The following TESC variants were observed in gnomAD, a reference collection of about 807,000 sequenced individuals.
The protein encoded by TESC is tescalcin, also known as calcineurin B homologous protein 3.
TESC carries 19 observed loss-of-function variants against 31.0 expected under a neutral mutation model. The observed-to-expected ratio is 0.61, with a 90% CI of 0.43 to 0.90. The LOEUF (loss-of-function observed/expected upper bound fraction) is 0.90. Ranked by LOEUF, TESC falls within the 40% of genes least tolerant of loss-of-function variation. TESC has a pLI of 0.00. For missense variants in TESC, 248 were observed against 303.8 expected (o/e 0.82, Z 1.36); for synonymous variants, 109 against 114.8 (o/e 0.95, Z 0.32).
chr12:117,055,298 C>A (rs759199810), intron 3 of TESC, among the ~76,000 whole-genome samples: 2 of 152,168 alleles, frequency 1.3e-5, no homozygotes, highest in African/African-American at 4.8e-5. Flanking sequence ...TACGCCACCA[C>A]ATCTGGCTAA....
At chr12:117,069,247 A>C (rs1954931725) in intron 2 of TESC, among the ~76,000 whole-genome samples, 1 of 152,028 alleles carries the variant, frequency 6.6e-6, no homozygotes, top group South Asian at 2.1e-4. Context: ...TAACAAAATG[A>C]AATTTTTTTT....
intron 2 of TESC, 102 bp from the exon 3 acceptor site, chr12:117,056,988 C>CTA: frequency 9.2e-7 from 1 of 1,081,302 alleles, no homozygotes. Flanking sequence ...GGATCCCTAA[C>CTA]AGGCCCCCAC....
At chr12:117,049,905 A>G (rs868353477) in intron 3 of TESC, among the ~76,000 whole-genome samples, 1 of 49,718 alleles carries the variant, frequency 2.0e-5, no homozygotes. Context: ...TGTCTCAAGA[A>G]AAAAAAAAAA....
At chr12:117,045,397 A>G (rs2135747546) in intron 6 of TESC, among the ~76,000 whole-genome samples, 1 of 152,350 alleles carries the variant, frequency 6.6e-6, no homozygotes, top group Admixed American at 6.5e-5. Flanking sequence ...CTGGAGTGGG[A>G]CAGGGAGTAA....
At chr12:117,075,168 G>T in intron 2 of TESC, 103 bp downstream of exon 2, 1 of 1,219,180 alleles carries the variant, frequency 8.2e-7, no homozygotes, top group Non-Finnish European at 1.1e-6. Context: ...AAAATAAAAA[G>T]AAAACAACTA....
Position 117,066,200 on chromosome 12 carries a change from C to CTTTTTTTTTTTTTTTTTTTT in TESC, c.128+9051_128+9070dup, listed in dbSNP as rs58829406. Among the ~76,000 whole-genome samples, 35 of 62,982 alleles carry CTTTTTTTTTTTTTTTTTTTT rather than the reference C, an allele frequency of 5.6e-4. 6 individuals are homozygous for CTTTTTTTTTTTTTTTTTTTT. The highest frequency in any genetic ancestry group is 6.4e-4 in the Non-Finnish European group (25 of 38,808). The allele number at this position is 62,982 out of a possible 152,430, so 41.3% of individuals were successfully genotyped here. On this transcript the variant is annotated intron_variant, in intron 2 of 7. Transcript: ENST00000335209. ...TGTCTGCCCTGTTTCCTTCCTTTAG[C>CTTTTTTTTTTTTTTTTTTTT]TTTTTTTTTTTTTTTTTTTTTTTTG...
chr12:117,073,926 T>A (rs1385510299), intron 2 of TESC, among the ~76,000 whole-genome samples: 4 of 144,162 alleles, frequency 2.8e-5, no homozygotes, highest in South Asian at 2.2e-4. Context: ...AAAAAAAAAA[T>A]ACAAAACAAT....
intron 2 of TESC, among the ~76,000 whole-genome samples, chr12:117,061,768 A>G (rs1370911474): frequency 3.9e-5 from 6 of 152,090 alleles, no homozygotes; most frequent in Admixed American, 3.9e-4. Context: ...ATGGGTGCAG[A>G]CCTAATCCTT....
intron 7 of TESC, among the ~76,000 whole-genome samples, chr12:117,040,182 C>A (rs1954461433): frequency 6.6e-6 from 1 of 152,226 alleles, no homozygotes; most frequent in Non-Finnish European, 1.5e-5. Flanking sequence ...CCAGGTACTT[C>A]CTGCTTTCCT....
At chr12:117,046,455 G>T in intron 6 of TESC, 104 bp downstream of exon 6, 2 of 1,122,292 alleles carry the variant, frequency 1.8e-6, no homozygotes, top group Non-Finnish European at 2.5e-6. Context: ...AGGTAGAGCA[G>T]GTGGCAGAAT....
At chr12:117,054,698 C>G (rs1592999198) in intron 3 of TESC, among the ~76,000 whole-genome samples, 1 of 152,146 alleles carries the variant, frequency 6.6e-6, no homozygotes, top group Non-Finnish European at 1.5e-5. Context: ...GTCCAGGGTC[C>G]CACATCCCTG....
At chr12:117,095,668 C>T (rs1226292040) in intron 1 of TESC, among the ~76,000 whole-genome samples, 2 of 152,032 alleles carry the variant, frequency 1.3e-5, no homozygotes, top group Non-Finnish European at 2.9e-5. Flanking sequence ...CACTTTGAGG[C>T]CAGGAATTTG....
intron 1 of TESC, among the ~76,000 whole-genome samples, chr12:117,075,849 A>ATATATATATATATGTGTG (rs1955046702): frequency 4.2e-5 from 1 of 24,014 alleles, no homozygotes; most frequent in Non-Finnish European, 8.6e-5. Flanking sequence ...GTGTGTGTGT[A>ATATATATATATATGTGTG]TATATATATA....
At chr12:117,099,173 G>A in intron 1 of TESC, 52 bp downstream of exon 1, 4 of 1,462,504 alleles carry the variant, frequency 2.7e-6, no homozygotes, top group Non-Finnish European at 3.6e-6. Context: ...CCCAACAGTG[G>A]CCGTTCGGAG....
At chr12:117,096,527 C>T (rs1032454814) in intron 1 of TESC, among the ~76,000 whole-genome samples, 1 of 152,066 alleles carries the variant, frequency 6.6e-6, no homozygotes. Context: ...GACCAAGACT[C>T]AACTCTCAGC....
intron 1 of TESC, among the ~76,000 whole-genome samples, chr12:117,083,775 C>T (rs1955180163): frequency 6.6e-6 from 1 of 152,046 alleles, no homozygotes; most frequent in African/African-American, 2.4e-5. Context: ...AGTGGGTATC[C>T]TTTTGGGGGT....
rs1265957613 is a variant in TESC at position 117,075,913 on chromosome 12, A to ATATATGTGTG, written c.59-574_59-573insCACACATATA. On this transcript the variant is annotated intron_variant, in intron 1 of 7. Coordinates refer to ENST00000335209, the MANE Select transcript of TESC (RefSeq NM_017899.4). The stretch of plus-strand genomic sequence containing the variant: ...TATATATATATATATATATATATAT[A>ATATATGTGTG]TGTGTGTGTGTATATATATATATAT... Among the ~76,000 whole-genome samples the ATATATGTGTG allele has an allele frequency of 7.7e-4, 40 of 51,940 alleles. 1 individual carries two copies. Among genetic ancestry groups the ATATATGTGTG allele is most frequent in the African/African-American group, 2.2e-3 (21 of 9,738 alleles). 34.1% of individuals were successfully genotyped at this position (51,940 alleles called of 152,430 possible). A position where few individuals can be genotyped will look rare whatever the true frequency, so the allele number is the denominator to read the frequency against.
At chr12:117,059,263 T>C (rs937122382) in intron 2 of TESC, among the ~76,000 whole-genome samples, 4 of 152,188 alleles carry the variant, frequency 2.6e-5, no homozygotes, top group Non-Finnish European at 5.9e-5. Flanking sequence ...GCCTTACGCA[T>C]TGGAGGGGTG....
intron 3 of TESC, among the ~76,000 whole-genome samples, chr12:117,051,938 A>G (rs1173275739): frequency 6.6e-6 from 1 of 152,098 alleles, no homozygotes; most frequent in Non-Finnish European, 1.5e-5. Context: ...ATAAAAGTTT[A>G]TTTATTTATT....
Sources: allele counts gnomAD v4.1 joint callset (sites outside exome capture counted in the v4.1 genomes callset), GRCh38; gene constraint gnomAD v4.1.1; transcripts MANE v1.5; gene names NCBI Gene and HGNC (gene_info 2026-07-23, HGNC 2026-07-21).